The following CRELD2 variants were observed in gnomAD, a reference collection of about 807,000 sequenced individuals.
CRELD2 encodes CRELD disulfide isomerase 2, also known as protein disulfide isomerase CRELD2.
A neutral mutation model predicts 48.1 loss-of-function variants in CRELD2; 33 were observed. The observed-to-expected ratio is 0.69, with a 90% confidence interval of 0.52 to 0.92. CRELD2 has a LOEUF of 0.92. Among genes scored for constraint, CRELD2 ranks in the 40% least tolerant of loss-of-function variants. The pLI, the probability that CRELD2 is intolerant of heterozygous loss-of-function variation, is 0.00. For missense variants in CRELD2, 477 were observed against 482.4 expected (o/e 0.99, Z 0.10); for synonymous variants, 220 against 203.9 (o/e 1.08, Z -0.67).
rs748316497 is a variant in CRELD2 at position 49,919,286 on chromosome 22, A to G, written c.186A>G (p.Glu62=). The change falls in exon 2 of 10, where the codon GAA becomes GAG. Residue 62 remains glutamate, a synonymous_variant. Transcript: ENST00000328268. ...NFGGGNTAWE[E]KTLSKYESSE... ...GCGGCGGGAACACGGCTTGGGAGGA[A>G]AAGACGCTGTCCAAGTACGAGTCCA... 7.5e-5 allele frequency: 121 copies of G among 1,613,504 alleles called. No homozygotes were observed. The South Asian group carries it at 1.3e-3, about 18-fold the overall frequency.
chr22:49,923,765 A>T, intron 7 of CRELD2: 2 of 283,804 alleles, frequency 7.0e-6, no homozygotes, highest in Non-Finnish European at 1.3e-5. Flanking sequence ...TTTTCAACTT[A>T]TAAACTGTGA....
At chr22:49,922,049 G>C in intron 5 of CRELD2, 2 of 604,086 alleles carry the variant, frequency 3.3e-6, no homozygotes, top group East Asian at 5.6e-5. Flanking sequence ...CAGTGCACAG[G>C]TCCTGGAGGT....
chr22:49,920,444 C>G (rs1271852333), intron 4 of CRELD2, among the ~76,000 whole-genome samples, 197 bp downstream of exon 4: 3 of 152,238 alleles, frequency 2.0e-5, no homozygotes, highest in Non-Finnish European at 4.4e-5. Flanking sequence ...AGCCTCACCA[C>G]TAACCTCATG....
chr22:49,923,419 T>C (rs1601845932), intron 7 of CRELD2, 102 bp downstream of exon 7: 1 of 869,912 alleles, frequency 1.1e-6, no homozygotes, highest in Middle Eastern at 2.1e-4. Context: ...CCATACATCC[T>C]GCCTGCCCTG....
intron 5 of CRELD2, chr22:49,922,224 G>A (rs2060695600): frequency 6.7e-7 from 1 of 1,498,232 alleles, no homozygotes; most frequent in Non-Finnish European, 9.0e-7. Context: ...GCAGCCCCTA[G>A]GCTATTCTGG....
At chr22:49,926,731 T>TC (rs1289241767) in intron 9 of CRELD2, among the ~76,000 whole-genome samples, 2 of 284 alleles carry the variant, frequency 7.0e-3, no homozygotes, top group African/African-American at 0.03. Context: ...TGCCCCTCCC[T>TC]CCCCCCACCC....
chr22:49,922,478 A>G, intron 5 of CRELD2, 134 bp from the exon 6 acceptor site: 1 of 1,547,842 alleles, frequency 6.5e-7, no homozygotes, highest in South Asian at 1.2e-5. Flanking sequence ...TGGTTTGCTG[A>G]GAATTTTAAA....
At chr22:49,923,586 C>T in intron 7 of CRELD2, 1 of 570,622 alleles carries the variant, frequency 1.8e-6, no homozygotes. Flanking sequence ...AGCGCCCCCG[C>T]AACGTGCCCT....
chr22:49,919,701 C>G (rs761495800), intron 2 of CRELD2, 29 bp from the exon 3 acceptor site: 3 of 1,537,468 alleles, frequency 2.0e-6, no homozygotes, highest in Non-Finnish European at 1.8e-6. Context: ...GAGGCGCTGA[C>G]GGTGGGCCGG....
Position 49,922,693 on chromosome 22 carries a change from A to G in CRELD2, c.674A>G (p.Glu225Gly). The G allele has an allele frequency of 1.3e-6, 2 of 1,499,906 alleles. No homozygotes were observed. The highest frequency in any genetic ancestry group is 2.6e-5 in the East Asian group (1 of 38,516). The allele number at this position is 1,499,906 out of a possible 1,614,324, so 92.9% of individuals were successfully genotyped here. Reference protein sequence around the residue: ...GECEVGWVLDEGACVDVDECA... With the variant: ...GECEVGWVLDGGACVDVDECA... ...TGTGAAGTGGGCTGGGTGCTGGACG[A>G]GGGCGCCTGTGTGGGTGAGGAGCGG... Residue 225 changes from glutamate (E) to glycine (G), a missense_variant, in exon 6 of 10, where the codon GAG becomes GGG. By Grantham distance (98) the Glu-to-Gly change is moderately conservative (BLOSUM62 -2). Transcript: ENST00000328268.
intron 3 of CRELD2, 84 bp downstream of exon 3, chr22:49,919,924 G>A: frequency 2.8e-6 from 3 of 1,090,496 alleles, no homozygotes; most frequent in Non-Finnish European, 4.1e-6. Flanking sequence ...AAAGGTACAG[G>A]AACAGTAGGG....
chr22:49,920,967 A>G (rs142997292), intron 4 of CRELD2, among the ~76,000 whole-genome samples: 61 of 152,350 alleles, frequency 4.0e-4, no homozygotes, highest in Middle Eastern at 3.4e-3. Flanking sequence ...GGCTGCCCAA[A>G]GCCACACAAA....
intron 4 of CRELD2, 89 bp downstream of exon 4, chr22:49,920,336 C>A: frequency 1.1e-6 from 1 of 911,258 alleles, no homozygotes; most frequent in Non-Finnish European, 1.7e-6. Context: ...CAGAGGGGAC[C>A]TGGGGTGCAT....
chr22:49,918,842 G>A lies in CRELD2; in HGVS notation c.73G>A (p.Ala25Thr). 1 of 1,321,716 alleles carries A rather than the reference G, an allele frequency of 7.6e-7. No homozygotes were observed. The highest frequency in any genetic ancestry group is 2.0e-5 in the South Asian group (1 of 49,782). 81.9% of individuals were successfully genotyped at this position (1,321,716 alleles called of 1,614,324 possible). The change falls in exon 1 of 10, where the codon GCC becomes ACC. Residue 25 changes from alanine to threonine, a missense_variant. Transcript: ENST00000328268. ...LLLLPPAPEAAKKPTPCHRCR... is the reference protein window; with the variant it reads ...LLLLPPAPEATKKPTPCHRCR... The stretch of plus-strand genomic sequence containing the variant: ...GCTGCTGCCGCCCGCGCCGGAGGCC[G>A]CCAAGAAGCCGACGCCCTGCCACCG...
At chr22:49,918,990 C>T (rs2060645258) in intron 1 of CRELD2, 92 bp downstream of exon 1, 6 of 1,133,412 alleles carry the variant, frequency 5.3e-6, no homozygotes, top group Non-Finnish European at 7.2e-6. Context: ...CCAGGGTCGC[C>T]CTCACCCTGG....
chr22:49,920,022 A>G, intron 3 of CRELD2, 134 bp from the exon 4 acceptor site: 1 of 772,228 alleles, frequency 1.3e-6, no homozygotes. Context: ...AATTAAGGAG[A>G]AGATTCTGTC....
At chr22:49,927,174 A>G (rs1263252774) in intron 9 of CRELD2, 81 bp from the exon 10 acceptor site, 2 of 1,279,260 alleles carry the variant, frequency 1.6e-6, no homozygotes, top group East Asian at 2.3e-5. Context: ...GGCCCTGCAC[A>G]TGCGCTGCTG....
At chr22:49,923,190 C>T (rs753564151) in intron 6 of CRELD2, 44 bp from the exon 7 acceptor site, 63 of 1,473,460 alleles carry the variant, frequency 4.3e-5, no homozygotes, top group Non-Finnish European at 5.0e-5. Flanking sequence ...CGCTCCCTGG[C>T]CGGGCTGTCC....
chr22:49,920,824 C>T (rs367760897), intron 4 of CRELD2, among the ~76,000 whole-genome samples: 7 of 152,222 alleles, frequency 4.6e-5, no homozygotes, highest in Admixed American at 2.0e-4. Context: ...ACCCCCCACC[C>T]GCCCACCATC....
Sources: allele counts gnomAD v4.1 joint callset (sites outside exome capture counted in the v4.1 genomes callset), GRCh38; gene constraint gnomAD v4.1.1; transcripts MANE v1.5; gene names NCBI Gene and HGNC (gene_info 2026-07-23, HGNC 2026-07-21).